CERS3: variants seen among roughly 807,000 people sequenced by gnomAD.
CERS3 encodes the protein ceramide synthase 3, also known as LAG1 homolog, ceramide synthase 3.
Under a neutral mutation model 50.3 loss-of-function variants are expected in CERS3, and 33 were observed. That is an observed-to-expected ratio of 0.66 (90% CI 0.50 to 0.88). The LOEUF (loss-of-function observed/expected upper bound fraction) is 0.88, where lower values mean the gene tolerates loss of function less well. Among genes scored for constraint, CERS3 ranks in the 40% least tolerant of loss-of-function variants. The pLI is 0.00. For missense variants in CERS3, 470 were observed against 460.3 expected (o/e 1.02, Z -0.19); for synonymous variants, 176 against 155.2 (o/e 1.13, Z -0.99).
intron 11 of CERS3, among the ~76,000 whole-genome samples, chr15:100,427,789 T>G (rs2032909050): frequency 6.6e-6 from 1 of 152,248 alleles, no homozygotes; most frequent in Non-Finnish European, 1.5e-5. Context: ...TGGCTTGAGC[T>G]AGAAACAAAA....
At chr15:100,517,334 A>T (rs184742074) in intron 2 of CERS3, among the ~76,000 whole-genome samples, 1 of 152,322 alleles carries the variant, frequency 6.6e-6, no homozygotes, top group African/African-American at 2.4e-5. Flanking sequence ...TCCAAGTGGT[A>T]CGATGGCCAG....
At chr15:100,405,478 C>T (rs1284300505) in intron 11 of CERS3, among the ~76,000 whole-genome samples, 1 of 152,178 alleles carries the variant, frequency 6.6e-6, no homozygotes, top group African/African-American at 2.4e-5. Flanking sequence ...ACAATTGGAA[C>T]ACCCACACAA....
chr15:100,543,309 C>T (rs1275735555), intron 1 of CERS3, among the ~76,000 whole-genome samples: 1 of 152,200 alleles, frequency 6.6e-6, no homozygotes, highest in Admixed American at 6.5e-5. Flanking sequence ...CACACTTACG[C>T]TGCCCAAACC....
intron 11 of CERS3, among the ~76,000 whole-genome samples, chr15:100,454,387 C>CA (rs59536958): frequency 0.4 from 44,137 of 111,426 alleles, 8,601 homozygotes; most frequent in African/African-American, 0.43. Context: ...AAGGCATTGT[C>CA]AAAAAAAAAA....
chr15:100,507,507 G>A lies in CERS3; in HGVS notation c.-1-5657C>T, dbSNP rs1218735528. ...ACATTCTCATGGCCTCACCATGGCT[G>A]CTCTCAGGCCACAGCCTGTGATAAT... On this transcript the variant is annotated intron_variant, in intron 2 of 11. Coordinates refer to ENST00000679737, the MANE Select transcript of CERS3 (RefSeq NM_001378789.1). Among the ~76,000 whole-genome samples the A allele has an allele frequency of 3.3e-5, 5 of 152,350 alleles. No homozygotes were observed. The South Asian group carries it at 1.0e-3, about 32-fold the overall frequency.
intron 11 of CERS3, among the ~76,000 whole-genome samples, chr15:100,416,835 G>C (rs1199506326): frequency 6.6e-6 from 1 of 151,986 alleles, no homozygotes; most frequent in Non-Finnish European, 1.5e-5. Context: ...ATCTGAAAAG[G>C]GTCTAATATC....
chr15:100,405,969 T>A (rs1596597755), intron 11 of CERS3, among the ~76,000 whole-genome samples: 2 of 152,374 alleles, frequency 1.3e-5, no homozygotes, highest in Middle Eastern at 3.4e-3. Flanking sequence ...TAGAATGTTT[T>A]CTATTTTCTT....
chr15:100,515,185 A>G (rs1305266067), intron 2 of CERS3, among the ~76,000 whole-genome samples: 4 of 152,246 alleles, frequency 2.6e-5, no homozygotes, highest in Non-Finnish European at 5.9e-5. Context: ...TATGTGGATT[A>G]AACTGATTTG....
chr15:100,480,089 C>CT (rs2035253179), intron 5 of CERS3, 43 bp from the exon 6 acceptor site: 1 of 1,445,620 alleles, frequency 6.9e-7, no homozygotes, highest in East Asian at 2.3e-5. Flanking sequence ...GTAAAGGTAA[C>CT]TGAGATTTGA....
intron 2 of CERS3, among the ~76,000 whole-genome samples, chr15:100,504,692 G>A (rs2036122839): frequency 1.3e-5 from 2 of 152,192 alleles, no homozygotes; most frequent in African/African-American, 4.8e-5. Context: ...CGGGGACACA[G>A]AAAGGACAGG....
At chr15:100,472,318 G>A (rs983069696) in intron 9 of CERS3, among the ~76,000 whole-genome samples, 1 of 152,120 alleles carries the variant, frequency 6.6e-6, no homozygotes, top group Non-Finnish European at 1.5e-5. Context: ...ACAGAAACAG[G>A]TCCGGAAAAC....
chr15:100,420,551 A>T (rs1054896337), intron 11 of CERS3, among the ~76,000 whole-genome samples: 12 of 152,072 alleles, frequency 7.9e-5, no homozygotes, highest in African/African-American at 2.4e-4. Flanking sequence ...CAATCAATAG[A>T]AAAAGAGGGA....
intron 10 of CERS3, 26 bp downstream of exon 10, chr15:100,469,348 AAAGG>A: frequency 6.4e-7 from 1 of 1,570,004 alleles, no homozygotes; most frequent in Non-Finnish European, 8.8e-7. Flanking sequence ...CACACTGACC[AAAGG>A]CAGGGCACAT....
rs74247563 is a variant in CERS3 at position 100,540,215 on chromosome 15, C to G, written c.-355+4436G>C. 3.7e-4 allele frequency among the ~76,000 whole-genome samples: 57 copies of G among 152,320 alleles called. 3 individuals carry two copies. In the East Asian group the frequency reaches 0.01, roughly 28 times the overall value. ...ATCTGTGATCCCTTGTTATCCAAGT[C>G]CCATCCCTTTCCTCTGGGAAACTGC... On this transcript the variant is annotated intron_variant, in intron 1 of 12. Transcript: ENST00000284382.
chr15:100,450,285 G>A (rs1177639288), intron 11 of CERS3, among the ~76,000 whole-genome samples: 1 of 151,918 alleles, frequency 6.6e-6, no homozygotes, highest in Non-Finnish European at 1.5e-5. Flanking sequence ...TGGGCATGTG[G>A]CATGCACCGG....
At chr15:100,430,617 C>T (rs2033076957) in intron 11 of CERS3, among the ~76,000 whole-genome samples, 1 of 152,176 alleles carries the variant, frequency 6.6e-6, no homozygotes, top group South Asian at 2.1e-4. Flanking sequence ...CTTTGAATGA[C>T]TCCATGTCTA....
chr15:100,526,725 C>T (rs1205638329), intron 1 of CERS3, among the ~76,000 whole-genome samples: 1 of 152,096 alleles, frequency 6.6e-6, no homozygotes, highest in East Asian at 1.9e-4. Context: ...ATATAAGGAA[C>T]AAGTACCAGT....
intron 11 of CERS3, among the ~76,000 whole-genome samples, chr15:100,414,357 A>G (rs1475873847): frequency 6.6e-6 from 1 of 152,184 alleles, no homozygotes; most frequent in Non-Finnish European, 1.5e-5. Context: ...TACTGCCCAA[A>G]GTAATTTACA....
In CERS3 at chr15:100,401,870, G is replaced by A. The variant is rs1247144091; in HGVS notation, c.*843C>T. 1.3e-5 allele frequency: 2 copies of A among 152,284 alleles called. No individual in the cohort carries two copies. Among genetic ancestry groups the A allele is most frequent in the African/African-American group, 4.8e-5 (2 of 41,464 alleles). 9.4% of individuals were successfully genotyped at this position (152,284 alleles called of 1,614,324 possible). A position where few individuals can be genotyped will look rare whatever the true frequency, so the allele number is the denominator to read the frequency against. On this transcript the variant is annotated 3_prime_UTR_variant, in exon 12 of 12. Transcript: ENST00000679737. ...GAACAGGGCCTAAGCTTCCTTCCTT[G>A]AACCATGGGTCCTGAGGGAGAAGAA...
Sources: allele counts gnomAD v4.1 joint callset (sites outside exome capture counted in the v4.1 genomes callset), GRCh38; gene constraint gnomAD v4.1.1; transcripts MANE v1.5; gene names NCBI Gene and HGNC (gene_info 2026-07-23, HGNC 2026-07-21).